The following LONP1 variants were observed in gnomAD, a reference collection of about 807,000 sequenced individuals.
The protein encoded by LONP1 is lon peptidase 1, mitochondrial.
LONP1 carries 31 observed loss-of-function variants against 98.5 expected under a neutral mutation model. The ratio of observed to expected loss-of-function variants is 0.31; its 90% CI spans 0.24 to 0.42. LONP1 has a LOEUF of 0.42. Ranked by LOEUF, LONP1 falls within the 20% of genes least tolerant of loss-of-function variation. The pLI is 1.00. For synonymous variants in LONP1, 781 were observed against 594.7 expected (o/e 1.31, Z -4.56); for missense variants, 1,336 against 1,350.6 (o/e 0.99, Z 0.17).
chr19:5,712,317 G>C (rs552310273), intron 3 of LONP1: 1 of 317,896 alleles, frequency 3.1e-6, no homozygotes, highest in Admixed American at 4.8e-5. Context: ...TGTCGAAAAC[G>C]GTGTCAGCCT....
Position 5,711,833 on chromosome 19 carries a change from C to G in LONP1, c.808G>C (p.Val270Leu). The G allele has an allele frequency of 6.2e-7, 1 of 1,612,884 alleles. No homozygotes were observed. The change falls in exon 4 of 18, where the codon GTG (valine) becomes CTG (leucine). Residue 270 changes from valine (V) to leucine (L), a missense_variant. Transcript: ENST00000360614. The part of the protein sequence containing the change: ...MEPTPELPAE[V>L]LMVEVENVVH... ...ACGTTCTCTACCTCCACCATGAGCA[C>G]CTCAGCCGGGAGCTCAGGGGTGGGC...
In LONP1 at chr19:5,696,693, T is replaced by G; in HGVS notation, c.1750A>C (p.Asn584His). ...ACCTCGTCGATGAGGATCAGGGGGT[T>G]CTCCGTCTTGGTCTTCTTCAAACAC... The part of the protein sequence containing the change: ...IQCLKKTKTE[N>H]PLILIDEVDK... The change falls in exon 11 of 18, where the codon AAC (asparagine) becomes CAC (histidine). Residue 584 changes from asparagine to histidine, a missense_variant. Transcript: ENST00000360614. The G allele has an allele frequency of 1.2e-6, 2 of 1,613,646 alleles. No homozygotes were observed. The highest frequency in any genetic ancestry group is 1.1e-5 in the South Asian group (1 of 91,086).
chr19:5,700,962 G>A (rs1376547191), intron 8 of LONP1, 35 bp from the exon 9 acceptor site: 2 of 1,612,518 alleles, frequency 1.2e-6, no homozygotes, highest in Non-Finnish European at 8.5e-7. Context: ...GCTGAGTGGA[G>A]CTCACGAGCT....
chr19:5,702,236 C>T (rs1267755613), intron 8 of LONP1, among the ~76,000 whole-genome samples: 5 of 143,154 alleles, frequency 3.5e-5, no homozygotes, highest in Admixed American at 6.9e-5. Flanking sequence ...CTAGCCGCCC[C>T]GTCTGGGAGG....
rs761160186 is a variant in LONP1, at chr19:5,711,904, G to A, written c.737C>T (p.Ala246Val). The A allele has an allele frequency of 1.9e-5, 30 of 1,612,938 alleles. No individual in the cohort carries two copies. The highest frequency in any genetic ancestry group is 1.7e-5 in the Non-Finnish European group (20 of 1,179,762). The change falls in exon 4 of 18, where the codon GCG (alanine) becomes GTG (valine). Residue 246 changes from alanine (A) to valine (V), a missense_variant. Coordinates refer to ENST00000360614, the MANE Select transcript of LONP1 (RefSeq NM_004793.4). ...GTGCCTGGCGCTCAGCTCGTCCTCC[G>A]CCTCCTTCTTGCCCCGCTTTGACTT... ...RRKSKRGKKE[A>V]EDELSARHPA...
chr19:5,697,582 A>G, intron 10 of LONP1, among the ~76,000 whole-genome samples: 1 of 87,346 alleles, frequency 1.1e-5, no homozygotes, highest in Non-Finnish European at 2.2e-5. Context: ...AGGGGGAGGA[A>G]GAAGAGAGGG....
rs1000986578 is a variant in LONP1 at position 5,707,458 on chromosome 19, A to G, written c.1062+239T>C. On this transcript the variant is annotated intron_variant, in intron 6 of 17. Coordinates refer to ENST00000360614, the MANE Select transcript of LONP1 (RefSeq NM_004793.4). ...ACTGAACCCGCAACGGTGACTCCCA[A>G]CCGAAGGCTATGAAGCCACCGAAAG... is the stretch of plus-strand genomic sequence containing the variant. Among the ~76,000 whole-genome samples the G allele has an allele frequency of 2.0e-5, 3 of 152,244 alleles. No individual in the cohort carries two copies. In the East Asian group the frequency reaches 5.8e-4, roughly 29 times the overall value.
At chr19:5,700,316 T>C (rs1275635811) in intron 9 of LONP1, among the ~76,000 whole-genome samples, 2 of 152,182 alleles carry the variant, frequency 1.3e-5, no homozygotes, top group Non-Finnish European at 2.9e-5. Context: ...TTTCTCCATG[T>C]TGGTCAGGCT....
intron 10 of LONP1, among the ~76,000 whole-genome samples, chr19:5,697,398 G>A (rs1175564314): frequency 6.6e-6 from 1 of 151,658 alleles, no homozygotes; most frequent in Admixed American, 6.6e-5. Context: ...GGGTCTGAGA[G>A]ATGTGTTCCA....
intron 1 of LONP1, 114 bp downstream of exon 1, chr19:5,719,590 G>T: frequency 6.4e-7 from 1 of 1,553,454 alleles, no homozygotes; most frequent in Non-Finnish European, 8.7e-7. Flanking sequence ...CACCCTTCGA[G>T]AAACTTCATG....
Position 5,696,678 on chromosome 19 carries a change from T to G in LONP1, c.1765A>C (p.Ile589Leu), listed in dbSNP as rs368178461. Reference protein sequence around the residue: ...KTKTENPLILIDEVDKIGRGY... With the variant: ...KTKTENPLILLDEVDKIGRGY... Reference sequence around the variant, plus strand: ...GGCCTCTCCGCACGCACCTCGTCGATGAGGATCAGGGGGTTCTCCGTCTTG... The same window carrying G: ...GGCCTCTCCGCACGCACCTCGTCGAGGAGGATCAGGGGGTTCTCCGTCTTG... Residue 589 changes from isoleucine (I) to leucine (L), a missense_variant, in exon 11 of 18, where the codon ATC (isoleucine) becomes CTC (leucine). By Grantham distance (5) the Ile-to-Leu change is conservative. This residue lies in a region of LONP1 where 555 missense variants were observed against 542.6 expected (regional missense o/e 1.02). Transcript: ENST00000360614. 2 of 1,611,728 alleles carry G rather than the reference T, an allele frequency of 1.2e-6. No individual in the cohort carries two copies. The highest frequency in any genetic ancestry group is 4.5e-5 in the East Asian group (2 of 44,830).
chr19:5,694,406 C>T lies in LONP1; in HGVS notation c.2301G>A (p.Gly767=). The change falls in exon 15 of 18, where the codon GGG becomes GGA. Residue 767 remains glycine, a synonymous_variant. Coordinates refer to ENST00000360614, the MANE Select transcript of LONP1 (RefSeq NM_004793.4). ...YDVTPPGVVM[G]LAWTAMGGST... ...GCTCACCCATTGCGGTCCAGGCCAG[C>T]CCCATGACCACGCCGGGCGGTGTCA... is the stretch of plus-strand genomic sequence containing the variant. 1 of 1,613,506 alleles carries T rather than the reference C, an allele frequency of 6.2e-7. No individual in the cohort carries two copies. Among genetic ancestry groups the T allele is most frequent in the South Asian group, 1.1e-5 (1 of 91,088 alleles).
chr19:5,692,872 T>C (rs2054854033), intron 17 of LONP1, among the ~76,000 whole-genome samples: 1 of 152,066 alleles, frequency 6.6e-6, no homozygotes, highest in South Asian at 2.1e-4. Context: ...TGTGGTCCAG[T>C]CTGGGGACAG....
intron 1 of LONP1, among the ~76,000 whole-genome samples, chr19:5,715,311 C>T (rs1427789534): frequency 6.6e-6 from 1 of 151,250 alleles, no homozygotes; most frequent in Non-Finnish European, 1.5e-5. Flanking sequence ...AAATGTGACC[C>T]ACTCCAGAGA....
chr19:5,715,332 CCTT>C (rs1483191269), intron 1 of LONP1, among the ~76,000 whole-genome samples: 7 of 146,916 alleles, frequency 4.8e-5, no homozygotes, highest in Non-Finnish European at 7.6e-5. Flanking sequence ...TTGATAACTT[CCTT>C]TTTTTTTTTT....
In LONP1 at chr19:5,691,986, C is replaced by CCCAGACAGGGCCTGACATCCAGTTCTGGA; in HGVS notation, c.*45_*46insTCCAGAACTGGATGTCAGGCCCTGTCTGG. On this transcript the variant is annotated 3_prime_UTR_variant, in exon 18 of 18. Coordinates refer to ENST00000360614, the MANE Select transcript of LONP1 (RefSeq NM_004793.4). The stretch of plus-strand genomic sequence containing the variant: ...CGCTCCCCACAGCGCTCAGTTCTGG[C>CCCAGACAGGGCCTGACATCCAGTTCTGGA]CCAGACAGGGCCTGACATCCGCCGC... 6.3e-7 allele frequency: 1 copy of CCCAGACAGGGCCTGACATCCAGTTCTGGA among 1,585,586 alleles called. No individual in the cohort carries two copies. Among genetic ancestry groups the CCCAGACAGGGCCTGACATCCAGTTCTGGA allele is most frequent in the Non-Finnish European group, 8.6e-7 (1 of 1,165,152 alleles).
chr19:5,694,824 C>A lies in LONP1; in HGVS notation c.2091G>T (p.Thr697=), dbSNP rs780971082. ...SKAKLSSDVL[T]LLIKQYCRES... ...CGCGGCAGTACTGCTTGATGAGCAG[C>A]GTCAGCACGTCCGATGACAGCTTGG... Residue 697 remains threonine, a synonymous_variant, in exon 14 of 18, where the codon ACG becomes ACT. Coordinates refer to ENST00000360614, the MANE Select transcript of LONP1 (RefSeq NM_004793.4). The A allele has an allele frequency of 6.2e-7, 1 of 1,602,046 alleles. No individual in the cohort carries two copies. Among genetic ancestry groups the A allele is most frequent in the Admixed American group, 1.7e-5 (1 of 59,812 alleles).
chr19:5,704,208 G>A lies in LONP1; in HGVS notation c.1367+1564C>T, dbSNP rs547589898. Among the ~76,000 whole-genome samples, 17 of 152,350 alleles carry A rather than the reference G, an allele frequency of 1.1e-4. No individual in the cohort carries two copies. In the East Asian group the frequency reaches 2.5e-3, roughly 22 times the overall value. ...GGGCCCCGAGCCGAGGGATGCGGGC[G>A]CCTCCAGATACTGGGAAAGGCAGGA... On this transcript the variant is annotated intron_variant, in intron 8 of 17. Coordinates refer to ENST00000360614, the MANE Select transcript of LONP1 (RefSeq NM_004793.4).
In LONP1 at chr19:5,694,855, C is replaced by T; in HGVS notation, c.2060G>A (p.Ser687Asn). The change falls in exon 14 of 18, where the codon AGC becomes AAC. Residue 687 changes from serine to asparagine, a missense_variant. Physicochemically the swap from Ser to Asn is conservative, Grantham distance 46 (BLOSUM62 1). This residue lies in a region of LONP1 where 555 missense variants were observed against 542.6 expected (regional missense o/e 1.02). Coordinates refer to ENST00000360614, the MANE Select transcript of LONP1 (RefSeq NM_004793.4). ...QARALCGLDESKAKLSSDVLT... is the reference protein window; with the variant it reads ...QARALCGLDENKAKLSSDVLT... ...CACGTCCGATGACAGCTTGGCCTTG[C>T]TCTCATCCAAGCCACACAGGGCGCG... 1.2e-6 allele frequency: 2 copies of T among 1,603,178 alleles called. No homozygotes were observed. The highest frequency in any genetic ancestry group is 8.5e-7 in the Non-Finnish European group (1 of 1,172,040).
Sources: allele counts gnomAD v4.1 joint callset (sites outside exome capture counted in the v4.1 genomes callset), GRCh38; gene constraint gnomAD v4.1.1; regional missense constraint gnomAD v4.1.1; transcripts MANE v1.5; gene names NCBI Gene and HGNC (gene_info 2026-07-23, HGNC 2026-07-21).